The following GRIK4 variants were observed in gnomAD, a reference collection of about 807,000 sequenced individuals.
The protein encoded by GRIK4 is glutamate receptor ionotropic, kainate 4.
Under a neutral mutation model 104.9 loss-of-function variants are expected in GRIK4, and 40 were observed. The observed-to-expected ratio is 0.38, with a 90% CI of 0.30 to 0.50. GRIK4 has a LOEUF of 0.50. Among genes scored for constraint, GRIK4 ranks in the 20% least tolerant of loss-of-function variants. The pLI is 0.93. For missense variants in GRIK4, 1,047 were observed against 1,308.1 expected (o/e 0.80, Z 3.08); for synonymous variants, 485 against 524.9 (o/e 0.92, Z 1.04).
rs2134694375 is a variant in GRIK4, at chr11:120,953,267, G to A, written c.1700+303G>A. Among the ~76,000 whole-genome samples, 1 of 152,280 alleles carries A rather than the reference G, an allele frequency of 6.6e-6. No individual in the cohort carries two copies. The highest frequency in any genetic ancestry group is 2.1e-4 in the South Asian group (1 of 4,824). On this transcript the variant is annotated intron_variant, in intron 15 of 20. Transcript: ENST00000527524. The surrounding 1 kb of genome is among the most constrained non-coding windows in gnomAD (Gnocchi z 4.9). ...ACCCCCACCTAAGCCCCTTGCTTGT[G>A]TAGGAGCCCTGGGAAGAGAGGAGGG...
intron 11 of GRIK4, among the ~76,000 whole-genome samples, chr11:120,895,194 T>G (rs561034888): frequency 6.9e-4 from 105 of 152,044 alleles, no homozygotes; most frequent in African/African-American, 2.5e-3. Context: ...TTTTAGCAAG[T>G]GATTGGTGAG....
At chr11:120,517,123 C>T (rs986635185) in intron 1 of GRIK4, among the ~76,000 whole-genome samples, 7 of 149,200 alleles carry the variant, frequency 4.7e-5, no homozygotes, top group Non-Finnish European at 8.9e-5. Context: ...TGCCTGTCAC[C>T]GCCGGGGACC....
At chr11:120,565,900 A>G (rs1053474114) in intron 1 of GRIK4, among the ~76,000 whole-genome samples, 6 of 152,178 alleles carry the variant, frequency 3.9e-5, no homozygotes, top group African/African-American at 1.2e-4. Context: ...AATCTAGGAG[A>G]AAGAGTTGAG....
chr11:120,863,722 A>G (rs1954320274), intron 9 of GRIK4, among the ~76,000 whole-genome samples: 1 of 152,258 alleles, frequency 6.6e-6, no homozygotes, highest in South Asian at 2.1e-4. Flanking sequence ...ATATCTAGAC[A>G]TCTATACACT....
intron 3 of GRIK4, among the ~76,000 whole-genome samples, chr11:120,729,554 G>C (rs1012710225): frequency 6.6e-6 from 1 of 152,168 alleles, no homozygotes; most frequent in South Asian, 2.1e-4. Context: ...CCATTTGTAC[G>C]TCTTCTTTTG....
chr11:120,761,822 A>G (rs1218199150), intron 3 of GRIK4, among the ~76,000 whole-genome samples: 1 of 152,136 alleles, frequency 6.6e-6, no homozygotes, highest in Non-Finnish European at 1.5e-5. Context: ...CTGTTTTAGT[A>G]CCAGTACCAT....
intron 1 of GRIK4, among the ~76,000 whole-genome samples, chr11:120,561,513 G>A (rs969753835): frequency 6.6e-6 from 1 of 152,280 alleles, no homozygotes; most frequent in East Asian, 1.9e-4. Flanking sequence ...GGACTAGGGG[G>A]GCCTACTCGG....
intron 1 of GRIK4, among the ~76,000 whole-genome samples, chr11:120,581,264 T>C (rs1948577305): frequency 6.6e-6 from 1 of 152,200 alleles, no homozygotes; most frequent in South Asian, 2.1e-4. Context: ...AGTATACTTA[T>C]GAAAATAGAG....
intron 3 of GRIK4, among the ~76,000 whole-genome samples, chr11:120,748,812 G>T (rs1013979228): frequency 6.6e-6 from 1 of 152,084 alleles, no homozygotes; most frequent in African/African-American, 2.4e-5. Flanking sequence ...AGGGCCCTTC[G>T]GGAGTTGAAG....
intron 11 of GRIK4, among the ~76,000 whole-genome samples, chr11:120,880,979 A>G (rs1239733852): frequency 1.3e-5 from 2 of 152,196 alleles, no homozygotes; most frequent in Non-Finnish European, 2.9e-5. Flanking sequence ...AACTGCAGCC[A>G]GGTCTTACTG....
At chr11:120,710,001 C>G (rs1950698355) in intron 3 of GRIK4, among the ~76,000 whole-genome samples, 2 of 152,204 alleles carry the variant, frequency 1.3e-5, no homozygotes, top group African/African-American at 4.8e-5. Flanking sequence ...CAGCCACGCA[C>G]ATACAAAGCA....
chr11:120,648,739 T>C (rs1428473188), intron 1 of GRIK4, among the ~76,000 whole-genome samples: 1 of 152,194 alleles, frequency 6.6e-6, no homozygotes, highest in African/African-American at 2.4e-5. Flanking sequence ...GCCCAGGTCT[T>C]GGAGCTAGGT....
At chr11:120,697,785 G>A (rs928866795) in intron 3 of GRIK4, among the ~76,000 whole-genome samples, 2 of 152,156 alleles carry the variant, frequency 1.3e-5, no homozygotes, top group Non-Finnish European at 1.5e-5. Flanking sequence ...ATATGGGGAC[G>A]GTGTGGAGAG....
At chr11:120,552,703 A>T (rs1458916796) in intron 1 of GRIK4, among the ~76,000 whole-genome samples, 1 of 152,148 alleles carries the variant, frequency 6.6e-6, no homozygotes, top group Non-Finnish European at 1.5e-5. Flanking sequence ...CCAGGGGAGT[A>T]AAAAAGAAGG....
chr11:120,834,175 T>C (rs1953509856), intron 7 of GRIK4, among the ~76,000 whole-genome samples: 1 of 152,216 alleles, frequency 6.6e-6, no homozygotes, highest in African/African-American at 2.4e-5. Flanking sequence ...TTAGAAAGGC[T>C]GTAACAGTTT....
chr11:120,918,728 C>T (rs544172720), intron 13 of GRIK4, among the ~76,000 whole-genome samples: 2 of 152,210 alleles, frequency 1.3e-5, no homozygotes, highest in East Asian at 1.9e-4. Flanking sequence ...TAGTTTGAGA[C>T]GTTAGCATGT....
intron 8 of GRIK4, among the ~76,000 whole-genome samples, chr11:120,859,796 G>A (rs1954213124): frequency 6.6e-6 from 1 of 152,238 alleles, no homozygotes; most frequent in Non-Finnish European, 1.5e-5. Flanking sequence ...TCTCTGGCAT[G>A]TCCTTTTTCC....
intron 3 of GRIK4, among the ~76,000 whole-genome samples, chr11:120,685,658 GAC>G (rs1349165789): frequency 2.0e-5 from 3 of 152,022 alleles, no homozygotes; most frequent in Non-Finnish European, 2.9e-5. Flanking sequence ...TTTTTTTGAA[GAC>G]CACCAACCCA....
chr11:120,694,723 C>G (rs1353631361), intron 3 of GRIK4, among the ~76,000 whole-genome samples: 1 of 152,152 alleles, frequency 6.6e-6, no homozygotes, highest in African/African-American at 2.4e-5. Context: ...CAGCAGAGCT[C>G]CAGGGGGCCT....
Sources: gnomAD v4.1 joint callset for allele counts (sites outside exome capture counted in the v4.1 genomes callset) on GRCh38, gnomAD v4.1.1 for gene constraint, Gnocchi (gnomAD v3.1) non-coding constraint, MANE v1.5 for transcripts, NCBI Gene and HGNC (gene_info 2026-07-23, HGNC 2026-07-21) for gene names.